The following QTMAN variants were observed in gnomAD, a reference collection of about 807,000 sequenced individuals.
QTMAN encodes tRNA-queuosine alpha-mannosyltransferase.
chr2:144,316,813 A>G, the QTMAN span, among the ~76,000 whole-genome samples: 1 of 152,136 alleles, frequency 6.6e-6, no homozygotes, highest in African/African-American at 2.4e-5. Context: ...TCTATTCACT[A>G]ATAACTTATC....
chr2:143,952,704 A>T, the QTMAN span: 1 of 1,128,644 alleles, frequency 8.9e-7, no homozygotes, highest in Admixed American at 1.8e-5. Flanking sequence ...GTTTATTTTC[A>T]AACTTTCTAA....
the QTMAN span, among the ~76,000 whole-genome samples, chr2:144,096,891 T>C: frequency 6.6e-6 from 1 of 152,348 alleles, no homozygotes; most frequent in South Asian, 2.1e-4. Context: ...TTGGACTTAT[T>C]GTCAGCCAAA....
At chr2:144,287,624 G>A in the QTMAN span, among the ~76,000 whole-genome samples, 52 of 152,170 alleles carry the variant, frequency 3.4e-4, no homozygotes, top group African/African-American at 1.1e-3. Flanking sequence ...AGACCAATCT[G>A]TTCCTTCCTA....
the QTMAN span, among the ~76,000 whole-genome samples, chr2:144,077,099 C>T: frequency 2.0e-5 from 3 of 149,584 alleles, no homozygotes; most frequent in African/African-American, 4.9e-5. Context: ...TACAAATTTG[C>T]ACTTTCACAA....
the QTMAN span, chr2:143,957,325 C>T: frequency 1.3e-6 from 2 of 1,584,284 alleles, no homozygotes; most frequent in East Asian, 2.2e-5. Context: ...GCCTTTTTGG[C>T]CTCTGAAAAA....
the QTMAN span, among the ~76,000 whole-genome samples, chr2:143,996,486 TG>T: frequency 6.6e-6 from 1 of 152,130 alleles, no homozygotes; most frequent in African/African-American, 2.4e-5. Context: ...CTCTGGCTCT[TG>T]GGCAATGATT....
the QTMAN span, among the ~76,000 whole-genome samples, chr2:144,251,847 G>C: frequency 1.6e-4 from 24 of 152,178 alleles, no homozygotes; most frequent in Admixed American, 1.5e-3. Flanking sequence ...AGGACTGTTA[G>C]CTAAAATATA....
At chr2:144,126,583 C>A in the QTMAN span, among the ~76,000 whole-genome samples, 6 of 152,112 alleles carry the variant, frequency 3.9e-5, no homozygotes, top group Non-Finnish European at 7.4e-5. Context: ...TTGGAAAGTA[C>A]AATTTTAAGT....
At chr2:143,976,579 A>G in the QTMAN span, among the ~76,000 whole-genome samples, 2 of 152,234 alleles carry the variant, frequency 1.3e-5, no homozygotes, top group African/African-American at 4.8e-5. Flanking sequence ...TCCTCTCTGC[A>G]TGCCTGACAC....
At chr2:144,207,610 A>C in the QTMAN span, among the ~76,000 whole-genome samples, 1 of 152,164 alleles carries the variant, frequency 6.6e-6, no homozygotes, top group African/African-American at 2.4e-5. Flanking sequence ...ATAACACTTA[A>C]AGTTTTATAT....
the QTMAN span, among the ~76,000 whole-genome samples, chr2:144,179,964 C>T: frequency 4.7e-4 from 71 of 152,160 alleles, 2 homozygotes; most frequent in South Asian, 0.014. Flanking sequence ...AAGGTGTATC[C>T]CTATGTTTCT....
the QTMAN span, among the ~76,000 whole-genome samples, chr2:144,217,139 G>A: frequency 1.1e-3 from 172 of 152,140 alleles, 1 homozygote; most frequent in African/African-American, 4.1e-3. Flanking sequence ...TGACCCATTC[G>A]GATACGAATG....
the QTMAN span, among the ~76,000 whole-genome samples, chr2:143,992,972 A>C: frequency 6.6e-6 from 1 of 152,232 alleles, no homozygotes; most frequent in Non-Finnish European, 1.5e-5. Flanking sequence ...ATTAACAACA[A>C]CAACAACAGA....
chr2:144,316,250 G>A, the QTMAN span, among the ~76,000 whole-genome samples: 18 of 150,540 alleles, frequency 1.2e-4, no homozygotes, highest in Admixed American at 6.0e-4. Flanking sequence ...AAAAAAAAAC[G>A]CTGCTGCTAA....
the QTMAN span, among the ~76,000 whole-genome samples, chr2:144,109,541 C>T: frequency 2.0e-5 from 3 of 152,124 alleles, no homozygotes; most frequent in South Asian, 2.1e-4. Flanking sequence ...CCAAAATTGA[C>T]AAATGGGATC....
chr2:144,175,182 T>A, the QTMAN span, among the ~76,000 whole-genome samples: 1 of 152,044 alleles, frequency 6.6e-6, no homozygotes, highest in Admixed American at 6.6e-5. Flanking sequence ...TGAAAGATAA[T>A]GTTGATTAAA....
chr2:144,182,643 CAAAAAAAAAAAA>C, the QTMAN span, among the ~76,000 whole-genome samples: 1 of 34,978 alleles, frequency 2.9e-5, no homozygotes, highest in East Asian at 8.7e-4. Flanking sequence ...GACTCCGTCT[CAAAAAAAAAAAA>C]AAAAAAAAAG....
the QTMAN span, among the ~76,000 whole-genome samples, chr2:143,954,939 T>C: frequency 2.0e-5 from 3 of 152,212 alleles, no homozygotes; most frequent in Admixed American, 6.5e-5. Flanking sequence ...TATTCAGATC[T>C]ATTCACTTCA....
the QTMAN span, chr2:143,941,943 AAT>A: frequency 2.0e-4 from 31 of 152,860 alleles, no homozygotes; most frequent in African/African-American, 7.2e-4. Flanking sequence ...TCAGCTCCTA[AAT>A]ATGTCACTAT....
Sources: gnomAD v4.1 joint callset for allele counts (sites outside exome capture counted in the v4.1 genomes callset) on GRCh38, gnomAD v4.1.1 for gene constraint, MANE v1.5 for transcripts, NCBI Gene and HGNC (gene_info 2026-07-23, HGNC 2026-07-21) for gene names.